The following PRXL2A variants were observed in gnomAD, a reference collection of about 807,000 sequenced individuals.
The protein encoded by PRXL2A is peroxiredoxin like 2A, also known as peroxiredoxin-like 2A.
In PRXL2A, 26 loss-of-function variants were observed where a neutral mutation model predicts 25.6. The ratio of observed to expected loss-of-function variants is 1.02; its 90% CI spans 0.74 to 1.41. The LOEUF (loss-of-function observed/expected upper bound fraction) is 1.41. Among genes scored for constraint, PRXL2A ranks in the 40% most tolerant of loss-of-function variants. PRXL2A has a pLI of 0.00. For missense variants in PRXL2A, 246 were observed against 273.9 expected, an observed-to-expected ratio of 0.90 and a Z score of 0.72; for synonymous variants, 98 against 102.9, an observed-to-expected ratio of 0.95 and a Z score of 0.29.
intron 1 of PRXL2A, among the ~76,000 whole-genome samples, chr10:80,419,072 G>A (rs1248273299): frequency 1.3e-5 from 2 of 151,896 alleles, no homozygotes; most frequent in African/African-American, 2.4e-5. Flanking sequence ...TGCAACCTCC[G>A]CCTCCCGGGT....
At chr10:80,428,911 C>G (rs911506992) in intron 5 of PRXL2A, among the ~76,000 whole-genome samples, 1 of 151,914 alleles carries the variant, frequency 6.6e-6, no homozygotes, top group African/African-American at 2.4e-5. Context: ...AGCTTTATTT[C>G]TTTTTTTTCA....
chr10:80,409,056 G>A, intron 1 of PRXL2A: 1 of 985,442 alleles, frequency 1.0e-6, no homozygotes, highest in Non-Finnish European at 1.2e-6. Flanking sequence ...CCGCCCTGCT[G>A]GACCAGCCCC....
chr10:80,418,125 C>T (rs113659868), intron 1 of PRXL2A, among the ~76,000 whole-genome samples: 5,069 of 151,678 alleles, frequency 0.033, 96 homozygotes, highest in African/African-American at 0.047. Context: ...TTAGTGTACC[C>T]GTTATCCAAT....
intron 1 of PRXL2A, among the ~76,000 whole-genome samples, chr10:80,412,012 C>T (rs1564687409): frequency 6.6e-6 from 1 of 152,186 alleles, no homozygotes; most frequent in Admixed American, 6.5e-5. Context: ...GCTCCTGGAA[C>T]AGTCAGGAGT....
chr10:80,436,857 G>T lies in PRXL2A; in HGVS notation c.*4758G>T. On this transcript the variant is annotated 3_prime_UTR_variant, in exon 6 of 6. Coordinates refer to ENST00000606162, the MANE Select transcript of PRXL2A (RefSeq NM_032333.5). Reference sequence around the variant, plus strand: ...ACTGTCGTAAGATACCCATTCCAGAGAGGGTCCCACCCCGTGCCCAGAAGG... The same window carrying T: ...ACTGTCGTAAGATACCCATTCCAGATAGGGTCCCACCCCGTGCCCAGAAGG... 6.6e-6 allele frequency: 1 copy of T among 152,556 alleles called. No homozygotes were observed. Among genetic ancestry groups the T allele is most frequent in the South Asian group, 2.0e-4 (1 of 4,992 alleles). 9.5% of individuals were successfully genotyped at this position (152,556 alleles called of 1,614,324 possible).
At chr10:80,430,977 C>T (rs1349799520) in intron 5 of PRXL2A, among the ~76,000 whole-genome samples, 1 of 152,140 alleles carries the variant, frequency 6.6e-6, no homozygotes, top group Non-Finnish European at 1.5e-5. Context: ...GCAACCTCCG[C>T]CTCCCAGCCT....
Position 80,425,903 on chromosome 10 carries a change from A to G in PRXL2A, c.308A>G (p.Asp103Gly). ...CTGTCCTCCCTGAAAAGCATGTTGG[A>G]CCAGCTGGGCGTCCCCCTCTATGCA... ...ADLSSLKSML[D>G]QLGVPLYAVV... Residue 103 changes from aspartate to glycine, a missense_variant, in exon 4 of 6, where the codon GAC (aspartate) becomes GGC (glycine). Physicochemically the swap from Asp to Gly is moderately conservative, Grantham distance 94. Transcript: ENST00000606162. 3 of 1,614,238 alleles carry G rather than the reference A, an allele frequency of 1.9e-6. No homozygotes were observed. Among genetic ancestry groups the G allele is most frequent in the Non-Finnish European group, 2.5e-6 (3 of 1,180,040 alleles).
In PRXL2A at chr10:80,420,462, C is replaced by T. The variant is rs897425385; in HGVS notation, c.-2-4C>T. On this transcript the variant is annotated splice_polypyrimidine_tract_variant and splice_region_variant and intron_variant, in intron 1 of 5. Coordinates refer to ENST00000606162, the MANE Select transcript of PRXL2A (RefSeq NM_032333.5). The stretch of plus-strand genomic sequence containing the variant: ...ACGCCTTCTTCCTTCTTCTCAATCT[C>T]CAGAAATGTCTTTCCTCCAGGACCC... The T allele has an allele frequency of 1.3e-6, 2 of 1,570,178 alleles. No homozygotes were observed. Among genetic ancestry groups the T allele is most frequent in the African/African-American group, 2.7e-5 (2 of 73,372 alleles).
At chr10:80,408,906 AC>A in intron 1 of PRXL2A, 1 of 339,374 alleles carries the variant, frequency 2.9e-6, no homozygotes. Context: ...GGAGACGGGG[AC>A]CCGGCGCTGC....
intron 5 of PRXL2A, 47 bp from the exon 6 acceptor site, chr10:80,431,939 C>T (rs370196090): frequency 2.4e-5 from 34 of 1,406,804 alleles, no homozygotes; most frequent in Non-Finnish European, 2.9e-5. Context: ...GTCTCATGAA[C>T]GAACGATTTA....
chr10:80,426,022 G>A lies in PRXL2A; in HGVS notation c.411+16G>A, dbSNP rs1325376107. On this transcript the variant is annotated intron_variant, in intron 4 of 5. Transcript: ENST00000606162. ...GGATGAAAAGGTGTGTGTGATGGGA[G>A]GCTTTTAGACACAGACTGCTGGGGA... 8.1e-6 allele frequency: 13 copies of A among 1,613,966 alleles called. No homozygotes were observed. The highest frequency in any genetic ancestry group is 1.1e-5 in the Non-Finnish European group (13 of 1,179,996).
rs188257600 is a variant in PRXL2A at position 80,410,043 on chromosome 10, G to T, written c.-3+1400G>T. Among the ~76,000 whole-genome samples the T allele has an allele frequency of 1.9e-4, 29 of 152,334 alleles. No individual in the cohort carries two copies. In the East Asian group the frequency reaches 5.0e-3, roughly 26 times the overall value. On this transcript the variant is annotated intron_variant, in intron 1 of 5. Transcript: ENST00000606162. ...AAGGGGTACAAAAGACATTTCTGAT[G>T]ATTTTCTCATCTCGTGTCATTTAAA...
chr10:80,422,042 T>A (rs571035486), intron 2 of PRXL2A, among the ~76,000 whole-genome samples: 1 of 152,342 alleles, frequency 6.6e-6, no homozygotes, highest in Non-Finnish European at 1.5e-5. Flanking sequence ...AATTTGAGAC[T>A]TTTTCAGTTT....
At chr10:80,424,549 A>G (rs1406900185) in intron 3 of PRXL2A, among the ~76,000 whole-genome samples, 1 of 147,302 alleles carries the variant, frequency 6.8e-6, no homozygotes, top group Non-Finnish European at 1.5e-5. Context: ...GTGCCACTGT[A>G]GTTGGGCAAC....
intron 1 of PRXL2A, 145 bp from the exon 2 acceptor site, chr10:80,420,321 T>TG: frequency 7.1e-7 from 1 of 1,413,414 alleles, no homozygotes; most frequent in Non-Finnish European, 9.2e-7. Flanking sequence ...TAGCAGCCCT[T>TG]GTCCAGTCTC....
chr10:80,426,732 G>A (rs960866463), intron 4 of PRXL2A, among the ~76,000 whole-genome samples: 1 of 152,192 alleles, frequency 6.6e-6, no homozygotes, highest in African/African-American at 2.4e-5. Flanking sequence ...CCTGTCAGGT[G>A]GAAGACTAGT....
Position 80,425,914 on chromosome 10 carries a change from G to A in PRXL2A, c.319G>A (p.Val107Ile), listed in dbSNP as rs200172480. ...SLKSMLDQLG[V>I]PLYAVVKEHI... Reference sequence around the variant, plus strand: ...GAAAAGCATGTTGGACCAGCTGGGCGTCCCCCTCTATGCAGTGGTAAAGGA... The same window carrying A: ...GAAAAGCATGTTGGACCAGCTGGGCATCCCCCTCTATGCAGTGGTAAAGGA... The change falls in exon 4 of 6, where the codon GTC becomes ATC. Residue 107 changes from valine (V) to isoleucine (I), a missense_variant. Transcript: ENST00000606162. The A allele has an allele frequency of 2.2e-4, 356 of 1,614,220 alleles. No individual in the cohort carries two copies. The highest frequency in any genetic ancestry group is 2.4e-4 in the Non-Finnish European group (283 of 1,180,038).
Position 80,424,995 on chromosome 10 carries a change from A to G in PRXL2A, c.271-871A>G, listed in dbSNP as rs566538586. 8.5e-5 allele frequency among the ~76,000 whole-genome samples: 13 copies of G among 152,368 alleles called. No individual in the cohort carries two copies. The East Asian group carries it at 2.5e-3, about 29-fold the overall frequency. On this transcript the variant is annotated intron_variant, in intron 3 of 5. Transcript: ENST00000606162. ...ACTCTTGATAAATGTATTGTAATCA[A>G]TTCTGCCTCATTAGTTGTTTTTTTT...
At chr10:80,408,990 A>G in intron 1 of PRXL2A, 1 of 982,336 alleles carries the variant, frequency 1.0e-6, no homozygotes, top group South Asian at 4.7e-5. Flanking sequence ...ACCTTCGCGA[A>G]TTGTTGGGAC....
Sources: gnomAD v4.1 joint callset for allele counts (sites outside exome capture counted in the v4.1 genomes callset) on GRCh38, gnomAD v4.1.1 for gene constraint, MANE v1.5 for transcripts, NCBI Gene and HGNC (gene_info 2026-07-23, HGNC 2026-07-21) for gene names.